Variants in CREB5 observed in about 807,000 individuals in gnomAD.
CREB5 encodes the protein cyclic AMP-responsive element-binding protein 5.
CREB5 carries 19 observed loss-of-function variants against 57.1 expected under a neutral mutation model. The ratio of observed to expected loss-of-function variants is 0.33; its 90% CI spans 0.23 to 0.49. The LOEUF is 0.49. CREB5 is among the 20% of genes least tolerant of loss of function. The pLI is 0.99. For missense variants in CREB5, 579 were observed against 671.6 expected, an observed-to-expected ratio of 0.86 and a Z score of 1.52; for synonymous variants, 238 against 238.3, an observed-to-expected ratio of 1.00 and a Z score of 0.01.
At chr7:28,560,923 C>CACGT (rs1795182004) in intron 4 of CREB5, among the ~76,000 whole-genome samples, 1 of 19,820 alleles carries the variant, frequency 5.0e-5, no homozygotes, top group Non-Finnish European at 1.0e-4. Context: ...TGCGTGTGTG[C>CACGT]GCGTGCGTGT....
chr7:28,354,191 T>A (rs1417999546), intron 1 of CREB5, among the ~76,000 whole-genome samples: 2 of 152,212 alleles, frequency 1.3e-5, no homozygotes, highest in East Asian at 3.9e-4. Context: ...GTCCACTTGA[T>A]TGGATTGAAG....
intron 1 of CREB5, among the ~76,000 whole-genome samples, chr7:28,458,039 G>A (rs946934279): frequency 6.6e-6 from 1 of 152,142 alleles, no homozygotes; most frequent in African/African-American, 2.4e-5. Flanking sequence ...TCCCCCATAA[G>A]AGGAAGCTGT....
At chr7:28,414,028 T>A (rs1787922222) in intron 1 of CREB5, among the ~76,000 whole-genome samples, 1 of 152,176 alleles carries the variant, frequency 6.6e-6, no homozygotes, top group South Asian at 2.1e-4. Flanking sequence ...ATTTTGTCGG[T>A]GTGTAGTGTT....
At chr7:28,382,418 A>G (rs1786984399) in intron 1 of CREB5, among the ~76,000 whole-genome samples, 1 of 150,436 alleles carries the variant, frequency 6.6e-6, no homozygotes, top group Non-Finnish European at 1.5e-5. Flanking sequence ...AGCATTGAGA[A>G]TAATTAATGC....
intron 5 of CREB5, among the ~76,000 whole-genome samples, chr7:28,665,391 C>T (rs1472548513): frequency 2.0e-5 from 3 of 152,140 alleles, no homozygotes; most frequent in African/African-American, 7.2e-5. Context: ...CTTCCTCCCC[C>T]AAACAGTAAT....
At chr7:28,633,102 T>G (rs530447234) in intron 5 of CREB5, among the ~76,000 whole-genome samples, 1 of 152,290 alleles carries the variant, frequency 6.6e-6, no homozygotes, top group South Asian at 2.1e-4. Flanking sequence ...ACACATGAGG[T>G]AGGCACTAGG....
intron 4 of CREB5, among the ~76,000 whole-genome samples, chr7:28,560,363 G>A (rs1358903812): frequency 6.6e-6 from 1 of 152,114 alleles, no homozygotes; most frequent in Non-Finnish European, 1.5e-5. Context: ...AGATGAGGCT[G>A]GAAATATAGG....
At chr7:28,808,227 A>AG (rs1283259904) in intron 8 of CREB5, among the ~76,000 whole-genome samples, 6 of 152,174 alleles carry the variant, frequency 3.9e-5, no homozygotes, top group Middle Eastern at 3.2e-3. Flanking sequence ...GAGCGCTCTG[A>AG]GGGGCAGGCA....
intron 5 of CREB5, among the ~76,000 whole-genome samples, chr7:28,672,693 A>G (rs763098028): frequency 6.6e-6 from 1 of 152,066 alleles, no homozygotes; most frequent in African/African-American, 2.4e-5. Context: ...GACCTCCCCT[A>G]CAATCCAGAG....
Position 28,819,505 on chromosome 7 carries a change from CT to C in CREB5, c.*230del. ...TATCAGCTTGGGAAACGCTTTGGTG[CT>C]TTTCTCCAGTTTTCTGGTACCAGTT... is the stretch of plus-strand genomic sequence containing the variant. On this transcript the variant is annotated 3_prime_UTR_variant, in exon 11 of 11. Coordinates refer to ENST00000357727, the MANE Select transcript of CREB5 (RefSeq NM_182898.4). 1 of 464,028 alleles carries C rather than the reference CT, an allele frequency of 2.2e-6. No homozygotes were observed. The highest frequency in any genetic ancestry group is 3.7e-6 in the Non-Finnish European group (1 of 268,140). 28.7% of individuals were successfully genotyped at this position (464,028 alleles called of 1,614,324 possible). A position where few individuals can be genotyped will look rare whatever the true frequency, so the allele number is the denominator to read the frequency against.
chr7:28,771,718 G>C (rs1806333644), intron 7 of CREB5, among the ~76,000 whole-genome samples: 4 of 132,064 alleles, frequency 3.0e-5, no homozygotes. Flanking sequence ...GTCCAGACCT[G>C]GCACTTCATA....
In CREB5 at chr7:28,568,032, G is replaced by T. The variant is rs1795550350; in HGVS notation, c.292-2333G>T. Among the ~76,000 whole-genome samples the T allele has an allele frequency of 1.3e-5, 2 of 152,108 alleles. 1 individual carries two copies. The highest frequency in any genetic ancestry group is 4.1e-4 in the South Asian group (2 of 4,824). ...AGTATGGGAAAAAGGAGGAAAAGAAGCCAGAGTGCATGAAGGAGAACATTG... is the reference window on the plus strand; with the variant it reads ...AGTATGGGAAAAAGGAGGAAAAGAATCCAGAGTGCATGAAGGAGAACATTG... On this transcript the variant is annotated intron_variant, in intron 4 of 10. Transcript: ENST00000357727.
chr7:28,366,543 G>T (rs1001082129), intron 1 of CREB5, among the ~76,000 whole-genome samples: 18 of 152,148 alleles, frequency 1.2e-4, no homozygotes, highest in African/African-American at 4.1e-4. Context: ...TACATAAGTA[G>T]ATAGAAACTT....
At chr7:28,354,882 G>A (rs566419943) in intron 1 of CREB5, among the ~76,000 whole-genome samples, 21 of 152,276 alleles carry the variant, frequency 1.4e-4, no homozygotes, top group African/African-American at 2.9e-4. Flanking sequence ...TCTTTTAACC[G>A]TGAAGTCACA....
chr7:28,430,528 G>A (rs1788671871), intron 1 of CREB5, among the ~76,000 whole-genome samples: 1 of 152,142 alleles, frequency 6.6e-6, no homozygotes, highest in South Asian at 2.1e-4. Context: ...ATTATGAGCG[G>A]CCGTTATGAT....
chr7:28,468,076 A>T (rs979035058), intron 1 of CREB5, among the ~76,000 whole-genome samples: 4 of 152,140 alleles, frequency 2.6e-5, no homozygotes, highest in African/African-American at 9.7e-5. Context: ...AGCCTCCTGA[A>T]CGGAAGTCAT....
chr7:28,708,906 A>G (rs764214308), intron 5 of CREB5, among the ~76,000 whole-genome samples: 4 of 152,238 alleles, frequency 2.6e-5, no homozygotes, highest in Non-Finnish European at 5.9e-5. Context: ...TTTATGGTGA[A>G]TGAATGCAAG....
intron 5 of CREB5, among the ~76,000 whole-genome samples, chr7:28,624,023 C>T (rs1368320112): frequency 1.3e-5 from 2 of 152,124 alleles, no homozygotes; most frequent in Non-Finnish European, 2.9e-5. Context: ...TCACCTTTAG[C>T]AGAGATTCTG....
intron 8 of CREB5, 26 bp from the exon 9 acceptor site, chr7:28,809,161 C>T (rs375480766): frequency 6.3e-7 from 1 of 1,586,944 alleles, no homozygotes; most frequent in African/African-American, 1.3e-5. Flanking sequence ...CTATCCCCAT[C>T]ACCTCCTCCC....
Sources: gnomAD v4.1 joint callset for allele counts (sites outside exome capture counted in the v4.1 genomes callset) on GRCh38, gnomAD v4.1.1 for gene constraint, MANE v1.5 for transcripts, NCBI Gene and HGNC (gene_info 2026-07-23, HGNC 2026-07-21) for gene names.